Variants in PCNX1 observed in about 807,000 individuals in gnomAD.
PCNX1 encodes pecanex-like protein 1.
Under a neutral mutation model 242.2 loss-of-function variants are expected in PCNX1, and 78 were observed. That is an observed-to-expected ratio of 0.32 (90% CI 0.27 to 0.39). The LOEUF (loss-of-function observed/expected upper bound fraction) is 0.39, where lower values mean the gene tolerates loss of function less well. PCNX1 is among the 10% of genes least tolerant of loss of function. The pLI, the probability that PCNX1 is intolerant of heterozygous loss-of-function variation, is 1.00. For missense variants in PCNX1, 2,581 were observed against 2,856.5 expected (o/e 0.90, Z 2.20); for synonymous variants, 1,024 against 1,032.9 (o/e 0.99, Z 0.17).
At chr14:71,091,137 A>T (rs2062118450) in intron 30 of PCNX1, among the ~76,000 whole-genome samples, 1 of 152,144 alleles carries the variant, frequency 6.6e-6, no homozygotes, top group Admixed American at 6.6e-5. Context: ...CAACCTGGAG[A>T]AGTTCCTTAA....
At chr14:71,025,741 C>T (rs145937184) in intron 13 of PCNX1, among the ~76,000 whole-genome samples, 5 of 152,164 alleles carry the variant, frequency 3.3e-5, no homozygotes, top group Admixed American at 6.5e-5. Context: ...CAGCGATGTG[C>T]GCCTGTAGTC....
chr14:70,978,761 T>A (rs1294915639), intron 6 of PCNX1, 113 bp downstream of exon 6: 12 of 954,506 alleles, frequency 1.3e-5, no homozygotes, highest in Non-Finnish European at 1.7e-5. Flanking sequence ...TCCACTGTGT[T>A]ATTAAAATAA....
chr14:71,105,402 G>A lies in PCNX1; in HGVS notation c.6263G>A (p.Gly2088Glu). ...AATCCTGGGCAGGGATCAGGAACTG[G>A]ACTCCACCCACCTGTCACATCTTAT... ...IGNPGQGSGT[G>E]LHPPVTSYPP... is the part of the protein sequence containing the mutation. Residue 2088 changes from glycine (G) to glutamate (E), a missense_variant, in exon 33 of 36, where the codon GGA becomes GAA. Gly to Glu is a moderately conservative substitution (Grantham distance 98, BLOSUM62 -2). Coordinates refer to ENST00000304743, the MANE Select transcript of PCNX1 (RefSeq NM_014982.3). 1 of 1,614,042 alleles carries A rather than the reference G, an allele frequency of 6.2e-7. No homozygotes were observed. The highest frequency in any genetic ancestry group is 8.5e-7 in the Non-Finnish European group (1 of 1,179,956).
chr14:71,068,934 A>G (rs531395025), intron 26 of PCNX1, among the ~76,000 whole-genome samples: 4 of 152,180 alleles, frequency 2.6e-5, no homozygotes, highest in Non-Finnish European at 4.4e-5. Context: ...ATAAGTGCCT[A>G]TATTAGTCTG....
At chr14:70,968,109 A>T in intron 3 of PCNX1, 89 bp from the exon 4 acceptor site, 1 of 878,378 alleles carries the variant, frequency 1.1e-6, no homozygotes, top group Non-Finnish European at 1.9e-6. Context: ...TTGATCATAT[A>T]ATTTTGTTTG....
At chr14:71,014,972 A>G (rs561329625) in intron 11 of PCNX1, among the ~76,000 whole-genome samples, 60 of 152,336 alleles carry the variant, frequency 3.9e-4, no homozygotes, top group Non-Finnish European at 7.2e-4. Flanking sequence ...AAAGAAAAAA[A>G]GAGGAGCAAG....
intron 17 of PCNX1, among the ~76,000 whole-genome samples, 157 bp from the exon 18 acceptor site, chr14:71,033,774 C>T (rs2060455957): frequency 6.6e-6 from 1 of 151,990 alleles, no homozygotes; most frequent in Non-Finnish European, 1.5e-5. Flanking sequence ...TCACTGTATG[C>T]TTATTTATGG....
chr14:70,921,317 T>G (rs2140090657), intron 1 of PCNX1, among the ~76,000 whole-genome samples: 1 of 152,240 alleles, frequency 6.6e-6, no homozygotes, highest in South Asian at 2.1e-4. Context: ...AGAGGAATTT[T>G]GGGTTGTTTT....
chr14:71,082,524 G>C (rs1330996934), intron 28 of PCNX1, among the ~76,000 whole-genome samples: 1 of 152,128 alleles, frequency 6.6e-6, no homozygotes, highest in Non-Finnish European at 1.5e-5. Flanking sequence ...CTTGCTTCAT[G>C]AATCTGGGTG....
In PCNX1 at chr14:70,968,319, A is replaced by G. The variant is rs750330891; in HGVS notation, c.514+76A>G. 1.0e-4 allele frequency: 84 copies of G among 803,772 alleles called. 1 individual carries two copies. Among genetic ancestry groups the G allele is most frequent in the Non-Finnish European group, 1.5e-4 (73 of 490,914 alleles). 49.8% of individuals were successfully genotyped at this position (803,772 alleles called of 1,614,324 possible). ...GTTGTAATGAAGATAACAGTACTGT[A>G]CATTCAAATGTAATGAAAAAAATCA... On this transcript the variant is annotated intron_variant, in intron 4 of 35. Coordinates refer to ENST00000304743, the MANE Select transcript of PCNX1 (RefSeq NM_014982.3).
intron 6 of PCNX1, among the ~76,000 whole-genome samples, chr14:70,985,235 A>T (rs1166585588): frequency 1.3e-5 from 2 of 152,112 alleles, no homozygotes; most frequent in African/African-American, 4.8e-5. Context: ...TTTATTTTAG[A>T]TGGAGTTTCA....
At chr14:71,026,980 C>A in intron 15 of PCNX1, 98 bp downstream of exon 15, 2 of 557,106 alleles carry the variant, frequency 3.6e-6, no homozygotes, top group Non-Finnish European at 6.3e-6. Flanking sequence ...GTTTTCACTT[C>A]AGGCTTGAAA....
chr14:70,984,185 G>A lies in PCNX1; in HGVS notation c.2312-4382G>A, dbSNP rs552569287. On this transcript the variant is annotated intron_variant, in intron 6 of 35. Transcript: ENST00000304743. Reference sequence around the variant, plus strand: ...GTACTAAATGCCTATTTTTATTTTCGTGATCTTTCCAGATTTACACCTTTT... The same window carrying A: ...GTACTAAATGCCTATTTTTATTTTCATGATCTTTCCAGATTTACACCTTTT... Among the ~76,000 whole-genome samples the A allele has an allele frequency of 2.7e-5, 4 of 150,106 alleles. No individual in the cohort carries two copies. The East Asian group carries it at 5.8e-4, about 22-fold the overall frequency.
At chr14:71,064,909 T>C (rs1370883768) in intron 26 of PCNX1, among the ~76,000 whole-genome samples, 1 of 152,210 alleles carries the variant, frequency 6.6e-6, no homozygotes, top group African/African-American at 2.4e-5. Context: ...AGAATGACAG[T>C]TTCCAGTTCC....
intron 31 of PCNX1, among the ~76,000 whole-genome samples, 195 bp from the exon 32 acceptor site, chr14:71,103,200 T>A: frequency 6.6e-6 from 1 of 152,104 alleles, no homozygotes; most frequent in Non-Finnish European, 1.5e-5. Flanking sequence ...TGTAGATACT[T>A]ATTATTTAGC....
intron 2 of PCNX1, among the ~76,000 whole-genome samples, chr14:70,956,992 ATATTAT>A (rs5809504): frequency 3.3e-5 from 5 of 149,730 alleles, no homozygotes; most frequent in Non-Finnish European, 7.4e-5. Flanking sequence ...TGTTTTTATT[ATATTAT>A]TATTATTATT....
chr14:71,085,590 AGAGGCACGCCATTC>A (rs2061967253), intron 28 of PCNX1: 1 of 154,754 alleles, frequency 6.5e-6, no homozygotes, highest in Non-Finnish European at 1.4e-5. Context: ...CAGAACCATG[AGAGGCACGCCATTC>A]GAGGGGAGGT....
rs1397332393 is a variant in PCNX1 at position 71,112,948 on chromosome 14, CATTTT to C, written c.*3016_*3020del. ...ATTTCTTTCATTCAGTGGCAAAAAA[CATTTT>C]ATAACTCCTAAGTTTTTGGTTAATC... On this transcript the variant is annotated 3_prime_UTR_variant, in exon 36 of 36. Transcript: ENST00000304743. 6.6e-6 allele frequency: 1 copy of C among 152,052 alleles called. No homozygotes were observed. Among genetic ancestry groups the C allele is most frequent in the African/African-American group, 2.4e-5 (1 of 41,388 alleles). 9.4% of individuals were successfully genotyped at this position (152,052 alleles called of 1,614,324 possible).
In PCNX1 at chr14:70,947,288, G is replaced by A. The variant is rs556945336; in HGVS notation, c.362+165G>A. Among the ~76,000 whole-genome samples the A allele has an allele frequency of 1.7e-4, 26 of 152,294 alleles. 1 individual carries two copies. The South Asian group carries it at 2.3e-3, about 13-fold the overall frequency. On this transcript the variant is annotated intron_variant, in intron 2 of 35. Coordinates refer to ENST00000304743, the MANE Select transcript of PCNX1 (RefSeq NM_014982.3). ...GGGTACATATTTTAATATTAGAACA[G>A]AGCTAAGCTAACTGGTGTGTTTGGG...
Sources: gnomAD v4.1 joint callset for allele counts (sites outside exome capture counted in the v4.1 genomes callset) on GRCh38, gnomAD v4.1.1 for gene constraint, MANE v1.5 for transcripts, NCBI Gene and HGNC (gene_info 2026-07-23, HGNC 2026-07-21) for gene names.